Variants in SLC36A1 observed in about 807,000 individuals in gnomAD.
SLC36A1 encodes proton-coupled amino acid transporter 1.
A neutral mutation model predicts 47.5 loss-of-function variants in SLC36A1; 30 were observed. That is an observed-to-expected ratio of 0.63 (90% CI 0.47 to 0.86). The LOEUF (loss-of-function observed/expected upper bound fraction) is 0.86, where lower values mean the gene tolerates loss of function less well. Among genes scored for constraint, SLC36A1 ranks in the 40% least tolerant of loss-of-function variants. The pLI, the probability that SLC36A1 is intolerant of heterozygous loss-of-function variation, is 0.00. For missense variants in SLC36A1, 517 were observed against 606.0 expected (o/e 0.85, Z 1.54); for synonymous variants, 255 against 249.7 (o/e 1.02, Z -0.20).
chr5:151,381,155 G>C, the SLC36A1 span: 1 of 468,034 alleles, frequency 2.1e-6, no homozygotes, highest in Non-Finnish European at 4.2e-6. Context: ...GGCCATGGCT[G>C]TGTGGAAGGA....
Position 151,464,498 on chromosome 5 carries a change from C to A in SLC36A1, c.235-16C>A, listed in dbSNP as rs1216868974. The A allele has an allele frequency of 1.9e-6, 3 of 1,608,246 alleles. No homozygotes were observed. Among genetic ancestry groups the A allele is most frequent in the Admixed American group, 1.7e-5 (1 of 60,006 alleles). On this transcript the variant is annotated splice_polypyrimidine_tract_variant and intron_variant, in intron 3 of 10. Transcript: ENST00000243389. ...TACTTTTCTCTCTCTCTTTTGCCTGCAATATCTGTCCCCAGATGGGTCCCA... is the reference window on the plus strand; with the variant it reads ...TACTTTTCTCTCTCTCTTTTGCCTGAAATATCTGTCCCCAGATGGGTCCCA...
chr5:151,396,073 G>A, the SLC36A1 span, among the ~76,000 whole-genome samples: 1 of 151,980 alleles, frequency 6.6e-6, no homozygotes, highest in South Asian at 2.1e-4. Context: ...GCCTCCCAAA[G>A]TGCTGGGATT....
chr5:151,446,682 C>T (rs1264970055), upstream of SLC36A1, among the ~76,000 whole-genome samples: 15 of 152,074 alleles, frequency 9.9e-5, no homozygotes, highest in Admixed American at 9.2e-4. Flanking sequence ...GTTTTTTGGA[C>T]TAGCATATGG....
the SLC36A1 span, among the ~76,000 whole-genome samples, chr5:151,362,544 C>T: frequency 6.6e-6 from 1 of 152,076 alleles, no homozygotes; most frequent in African/African-American, 2.4e-5. Context: ...GCACATGTCA[C>T]CATGCCAAGC....
chr5:151,463,987 C>G (rs1755968440), intron 3 of SLC36A1, among the ~76,000 whole-genome samples: 1 of 152,210 alleles, frequency 6.6e-6, no homozygotes, highest in African/African-American at 2.4e-5. Context: ...CCATTTTCTA[C>G]AGTCTCCCAT....
At chr5:151,538,294 C>G in the SLC36A1 span, among the ~76,000 whole-genome samples, 3 of 152,356 alleles carry the variant, frequency 2.0e-5, no homozygotes, top group African/African-American at 4.8e-5. Context: ...TTCTTCCACC[C>G]AGTCCTTTGA....
the SLC36A1 span, among the ~76,000 whole-genome samples, chr5:151,417,454 A>T: frequency 6.6e-6 from 1 of 152,158 alleles, no homozygotes; most frequent in Non-Finnish European, 1.5e-5. Context: ...CTACCCACGA[A>T]ACCATTTTTT....
At chr5:151,435,514 G>A (rs910476957), upstream of SLC36A1, among the ~76,000 whole-genome samples, 2 of 152,036 alleles carry the variant, frequency 1.3e-5, no homozygotes, top group Non-Finnish European at 1.5e-5. Context: ...ATAAGGAAAA[G>A]AAACTTAAAA....
rs1756183278 is a variant in SLC36A1, at chr5:151,465,286, C to T, written c.419+117C>T. ...GAAAGAGTGCTGTTTGGGTCAGTTG[C>T]CTTGGGCTGTGGCTCAGCTCTGCTG... On this transcript the variant is annotated intron_variant, in intron 5 of 10. Transcript: ENST00000243389. The T allele has an allele frequency of 2.7e-5, 22 of 821,622 alleles. No individual in the cohort carries two copies. In the South Asian group the frequency reaches 3.1e-4, roughly 12 times the overall value. The allele number at this position is 821,622 out of a possible 1,614,324, so 50.9% of individuals were successfully genotyped here. A position where few individuals can be genotyped will look rare whatever the true frequency, so the allele number is the denominator to read the frequency against.
chr5:151,365,013 G>A, the SLC36A1 span, among the ~76,000 whole-genome samples: 3 of 152,096 alleles, frequency 2.0e-5, no homozygotes, highest in Non-Finnish European at 4.4e-5. Flanking sequence ...AAAGCATTAT[G>A]GACAGGAGGA....
the SLC36A1 span, among the ~76,000 whole-genome samples, chr5:151,555,457 G>GT: frequency 0.012 from 1,752 of 142,984 alleles, 36 homozygotes; most frequent in African/African-American, 0.043. Context: ...TGCAACCTCC[G>GT]TCTCCCAGGT....
At chr5:151,355,150 G>C in the SLC36A1 span, among the ~76,000 whole-genome samples, 1 of 152,154 alleles carries the variant, frequency 6.6e-6, no homozygotes, top group Admixed American at 6.5e-5. Context: ...TATTATCCAT[G>C]CAAGCAAGGG....
At chr5:151,503,769 G>A in the SLC36A1 span, among the ~76,000 whole-genome samples, 3 of 152,156 alleles carry the variant, frequency 2.0e-5, no homozygotes, top group African/African-American at 7.2e-5. Flanking sequence ...CCCAGGTCTT[G>A]TCCTGGGCTT....
the SLC36A1 span, chr5:151,525,890 A>AG: frequency 6.2e-6 from 10 of 1,613,854 alleles, no homozygotes; most frequent in South Asian, 3.3e-5. Flanking sequence ...CGAAACGAGT[A>AG]GGGGGGGCCA....
the SLC36A1 span, chr5:151,505,623 T>G: frequency 6.2e-7 from 1 of 1,614,128 alleles, no homozygotes; most frequent in Non-Finnish European, 8.5e-7. Flanking sequence ...AGAGCCCTCA[T>G]AGTTGGGGGG....
intron 1 of SLC36A1, among the ~76,000 whole-genome samples, chr5:151,440,259 C>T (rs1752546076): frequency 6.6e-6 from 1 of 152,164 alleles, no homozygotes; most frequent in Admixed American, 6.5e-5. Context: ...TCCTAAATGC[C>T]TCATAGGGCT....
the SLC36A1 span, among the ~76,000 whole-genome samples, chr5:151,535,318 C>G: frequency 1.2e-4 from 18 of 151,992 alleles, no homozygotes; most frequent in African/African-American, 4.4e-4. Context: ...TTTCACCTGC[C>G]CCAAAGCAAG....
chr5:151,500,847 T>C, the SLC36A1 span, among the ~76,000 whole-genome samples: 1 of 152,218 alleles, frequency 6.6e-6, no homozygotes, highest in African/African-American at 2.4e-5. Context: ...GGGATTTACC[T>C]GAAAACCTTT....
At chr5:151,512,214 G>C in the SLC36A1 span, 3 of 1,614,210 alleles carry the variant, frequency 1.9e-6, no homozygotes, top group South Asian at 2.2e-5. The surrounding 1 kb of genome is among the most constrained non-coding windows in gnomAD (Gnocchi z 4.1). Context: ...ATGTGTTCTG[G>C]CTGCAGTAGT....
Sources: allele counts gnomAD v4.1 joint callset (sites outside exome capture counted in the v4.1 genomes callset), GRCh38; gene constraint gnomAD v4.1.1; non-coding constraint Gnocchi (gnomAD v3.1); transcripts MANE v1.5; gene names NCBI Gene and HGNC (gene_info 2026-07-23, HGNC 2026-07-21).